The following LRRC9 variants were observed in gnomAD, a reference collection of about 807,000 sequenced individuals.
LRRC9 encodes leucine-rich repeat-containing protein 9.
In LRRC9, 122 loss-of-function variants were observed where a neutral mutation model predicts 63.2. That is an observed-to-expected ratio of 1.93 (90% CI 1.67 to 2.24). The LOEUF is 2.24. Ranked by LOEUF, LRRC9 falls within the 30% of genes most tolerant of loss-of-function variation. LRRC9 has a pLI of 0.00. For synonymous variants in LRRC9, 366 were observed against 213.1 expected (o/e 1.72, Z -6.25); for missense variants, 1,071 against 627.7 (o/e 1.71, Z -7.55).
chr14:59,974,586 A>T, exon 13 of LRRC9: 1 of 647,600 alleles, frequency 1.5e-6, no homozygotes, highest in Non-Finnish European at 2.8e-6. Flanking sequence ...CTGCCTCTCA[A>T]AAAAGAAGCC....
Position 60,042,154 on chromosome 14 carries a change from G to A in LRRC9, c.3990+10091G>A, listed in dbSNP as rs1239000323. ...ACCCAGCTGTATGAGGTGTCAGTCA[G>A]CCCCTACTGGGACGTGCCTCCCAGT... On this transcript the variant is annotated intron_variant, in intron 29 of 31. Transcript: ENST00000445360. The surrounding 1 kb of genome is among the most constrained non-coding windows in gnomAD (Gnocchi z 4.2). 1.3e-5 allele frequency among the ~76,000 whole-genome samples: 2 copies of A among 152,212 alleles called. No individual in the cohort carries two copies. Among genetic ancestry groups the A allele is most frequent in the South Asian group, 2.1e-4 (1 of 4,828 alleles).
chr14:59,976,521 G>A (rs1886305124), intron 13 of LRRC9, among the ~76,000 whole-genome samples: 1 of 152,054 alleles, frequency 6.6e-6, no homozygotes, highest in African/African-American at 2.4e-5. Flanking sequence ...AAATTAAGCA[G>A]GTTATTGAGT....
At position 60,043,009 on chromosome 14, in the gene LRRC9, AC is replaced by A. The variant is rs554333923; in HGVS notation, c.3991-10055del. On this transcript the variant is annotated intron_variant, in intron 29 of 31. Transcript: ENST00000445360. ...ATAGTTTTCCTTGCATAGATCTTTCACTTCTTTGGTTAGATTGATTCCTAGG... is the reference window on the plus strand; with the variant it reads ...ATAGTTTTCCTTGCATAGATCTTTCATTCTTTGGTTAGATTGATTCCTAGG... Among the ~76,000 whole-genome samples, 21 of 151,866 alleles carry A rather than the reference AC, an allele frequency of 1.4e-4. No individual in the cohort carries two copies. In the East Asian group the frequency reaches 4.1e-3, roughly 29 times the overall value.
intron 3 of LRRC9, among the ~76,000 whole-genome samples, chr14:59,928,958 A>G (rs1889449135): frequency 6.6e-6 from 1 of 151,828 alleles, no homozygotes; most frequent in African/African-American, 2.4e-5. Flanking sequence ...GTAAAACCCA[A>G]TATAAAAACC....
At chr14:60,045,520 T>C (rs933230918) in intron 29 of LRRC9, among the ~76,000 whole-genome samples, 1 of 152,172 alleles carries the variant, frequency 6.6e-6, no homozygotes, top group Non-Finnish European at 1.5e-5. Context: ...TGAAAACATG[T>C]GGTGTTTGGT....
At chr14:60,014,807 C>T (rs1045172163) in intron 23 of LRRC9, among the ~76,000 whole-genome samples, 1 of 151,980 alleles carries the variant, frequency 6.6e-6, no homozygotes, top group Non-Finnish European at 1.5e-5. Flanking sequence ...ATGTCTTTTG[C>T]CAGATTTGGA....
chr14:60,030,655 T>A (rs1184215541), intron 28 of LRRC9, among the ~76,000 whole-genome samples: 1 of 152,044 alleles, frequency 6.6e-6, no homozygotes, highest in Non-Finnish European at 1.5e-5. Flanking sequence ...GGTATCCTGG[T>A]TAATGCTTAA....
chr14:60,006,532 G>A, exon 22 of LRRC9: 1 of 701,638 alleles, frequency 1.4e-6, no homozygotes, highest in Non-Finnish European at 2.6e-6. Context: ...ACTTCATTGA[G>A]TGGTTTACAA....
In LRRC9 at chr14:59,938,811, T is replaced by C. The variant is rs1356455394; in HGVS notation, c.726+239T>C. Among the ~76,000 whole-genome samples the C allele has an allele frequency of 6.6e-6, 1 of 150,478 alleles. No homozygotes were observed. The highest frequency in any genetic ancestry group is 2.4e-5 in the African/African-American group (1 of 41,074). On this transcript the variant is annotated intron_variant, in intron 7 of 31. Transcript: ENST00000445360. This position sits in a 1 kb window ranked among gnomAD's most constrained non-coding sequence, Gnocchi z 4.2. ...AATAATAGAATAATAATGTTTCTAA[T>C]CTATACAAAACAAGAAGGAAATTGA...
chr14:60,057,624 T>C, intron 30 of LRRC9: 1 of 223,002 alleles, frequency 4.5e-6, no homozygotes, highest in Non-Finnish European at 8.4e-6. Flanking sequence ...CATTAAGCAC[T>C]AGATTCTAGT....
intron 9 of LRRC9, among the ~76,000 whole-genome samples, chr14:59,960,297 C>A (rs2139967454): frequency 6.6e-6 from 1 of 152,256 alleles, no homozygotes; most frequent in African/African-American, 2.4e-5. Flanking sequence ...AAACTAAAAA[C>A]AATAGAGCCT....
downstream of LRRC9, among the ~76,000 whole-genome samples, chr14:60,065,946 T>C (rs1246562920): frequency 6.6e-6 from 1 of 152,004 alleles, no homozygotes; most frequent in African/African-American, 2.4e-5. Flanking sequence ...TTAACTGCGA[T>C]TAATTGTCCA....
At chr14:60,022,198 G>T (rs974145315) in intron 26 of LRRC9, among the ~76,000 whole-genome samples, 1 of 151,574 alleles carries the variant, frequency 6.6e-6, no homozygotes, top group Non-Finnish European at 1.5e-5. Context: ...TCTGTGTACA[G>T]ATTTTCCACT....
chr14:60,039,354 G>A (rs982264926), intron 29 of LRRC9, among the ~76,000 whole-genome samples: 45 of 152,166 alleles, frequency 3.0e-4, no homozygotes, highest in South Asian at 2.1e-4. Context: ...GCTCCTCTTT[G>A]TACCTCTGGT....
intron 17 of LRRC9, 123 bp from the exon 18 acceptor site, chr14:59,997,533 T>A: frequency 1.9e-6 from 1 of 522,100 alleles, no homozygotes; most frequent in South Asian, 3.2e-5. Flanking sequence ...ACATAACTAC[T>A]GTTTATGTGT....
Position 59,928,257 on chromosome 14 carries a change from C to T in LRRC9, c.49-11C>T. 1.8e-6 allele frequency: 1 copy of T among 569,944 alleles called. No homozygotes were observed. The highest frequency in any genetic ancestry group is 3.1e-6 in the Non-Finnish European group (1 of 326,612). The allele number at this position is 569,944 out of a possible 1,614,324, so 35.3% of individuals were successfully genotyped here. On this transcript the variant is annotated splice_polypyrimidine_tract_variant and intron_variant, in intron 2 of 31. Coordinates refer to ENST00000445360, the Ensembl canonical transcript of LRRC9. Reference sequence around the variant, plus strand: ...AATAGGTAATGACCAAATTTCTTTCCTTTAAAACAGTGTTTGTGCAATGGC... The same window carrying T: ...AATAGGTAATGACCAAATTTCTTTCTTTTAAAACAGTGTTTGTGCAATGGC...
chr14:59,999,216 G>A, exon 19 of LRRC9: 1 of 699,754 alleles, frequency 1.4e-6, no homozygotes, highest in Non-Finnish European at 2.6e-6. Flanking sequence ...GCAGGAACAA[G>A]GATTACTCAG....
intron 29 of LRRC9, among the ~76,000 whole-genome samples, chr14:60,043,912 C>T (rs1893185464): frequency 6.6e-6 from 1 of 151,606 alleles, no homozygotes; most frequent in Admixed American, 6.6e-5. Flanking sequence ...TGGTAGAATT[C>T]AGCAGTGAAT....
At chr14:59,946,110 A>G (rs992860524) in intron 8 of LRRC9, among the ~76,000 whole-genome samples, 2 of 151,476 alleles carry the variant, frequency 1.3e-5, no homozygotes, top group African/African-American at 4.8e-5. Context: ...TCATTGCACT[A>G]TTAATAATTA....
Sources: allele counts gnomAD v4.1 joint callset (sites outside exome capture counted in the v4.1 genomes callset), GRCh38; gene constraint gnomAD v4.1.1; non-coding constraint Gnocchi (gnomAD v3.1); transcripts MANE v1.5; gene names NCBI Gene and HGNC (gene_info 2026-07-23, HGNC 2026-07-21).